The following MPPED1 variants were observed in gnomAD, a reference collection of about 807,000 sequenced individuals.
MPPED1 encodes metallophosphoesterase domain-containing protein 1.
Under a neutral mutation model 36.2 loss-of-function variants are expected in MPPED1, and 16 were observed. That is an observed-to-expected ratio of 0.44 (90% CI 0.30 to 0.67). The LOEUF (loss-of-function observed/expected upper bound fraction) is 0.67. Ranked by LOEUF, MPPED1 falls within the 30% of genes least tolerant of loss-of-function variation. The probability of loss-of-function intolerance (pLI) is 0.10; values close to 1 mark genes in which losing one functional copy is unlikely to be tolerated. For synonymous variants in MPPED1, 199 were observed against 191.3 expected, an observed-to-expected ratio of 1.04 and a Z score of -0.33; for missense variants, 307 against 453.4, an observed-to-expected ratio of 0.68 and a Z score of 2.93.
Position 43,440,740 on chromosome 22 carries a change from C to G in MPPED1, c.406+5525C>G, listed in dbSNP as rs547548011. ...ACAGCCCTCACTTCACCCCTAGCCC[C>G]CACAGCCTGAGGACCCTGCGCCACC... On this transcript the variant is annotated intron_variant, in intron 3 of 6. Coordinates refer to ENST00000443721, the MANE Select transcript of MPPED1 (RefSeq NM_001044370.2). Among the ~76,000 whole-genome samples the G allele has an allele frequency of 2.0e-4, 31 of 152,222 alleles. No homozygotes were observed. In the South Asian group the frequency reaches 2.9e-3, roughly 14 times the overall value.
At chr22:43,489,139 T>C (rs1932006798) in intron 4 of MPPED1, among the ~76,000 whole-genome samples, 1 of 152,154 alleles carries the variant, frequency 6.6e-6, no homozygotes, top group Non-Finnish European at 1.5e-5. Context: ...TGATCCCACC[T>C]GCCAGGTCTG....
At chr22:43,494,157 T>C (rs894749179) in intron 4 of MPPED1, among the ~76,000 whole-genome samples, 7 of 152,128 alleles carry the variant, frequency 4.6e-5, no homozygotes, top group African/African-American at 1.7e-4. Flanking sequence ...CACCCCATCC[T>C]CTTGAGTAGC....
chr22:43,438,664 T>C (rs1032730083), intron 3 of MPPED1, among the ~76,000 whole-genome samples: 1 of 148,046 alleles, frequency 6.8e-6, no homozygotes, highest in Non-Finnish European at 1.5e-5. Flanking sequence ...TTTAGGATTG[T>C]CTCTCTCTCT....
intron 4 of MPPED1, among the ~76,000 whole-genome samples, chr22:43,489,641 C>T (rs1272663588): frequency 3.3e-5 from 5 of 152,182 alleles, no homozygotes; most frequent in African/African-American, 1.2e-4. Context: ...GCCTCAGCCT[C>T]CTGAGTAGCT....
intron 4 of MPPED1, among the ~76,000 whole-genome samples, chr22:43,494,023 G>T (rs1034217564): frequency 4.6e-5 from 7 of 151,960 alleles, no homozygotes; most frequent in African/African-American, 1.7e-4. Context: ...AACTCTTCCG[G>T]GCCACTCTTC....
intron 4 of MPPED1, among the ~76,000 whole-genome samples, chr22:43,493,829 C>T (rs890569591): frequency 2.6e-5 from 4 of 152,100 alleles, no homozygotes; most frequent in African/African-American, 4.8e-5. Flanking sequence ...GGGTGAAGGT[C>T]GTCCCAGGGC....
At chr22:43,496,120 G>A (rs1459226375) in intron 4 of MPPED1, among the ~76,000 whole-genome samples, 1 of 81,152 alleles carries the variant, frequency 1.2e-5, no homozygotes, top group Non-Finnish European at 2.4e-5. Context: ...TGGTGGTGGA[G>A]GTGGTGGTGG....
At chr22:43,485,828 A>G (rs1361800652) in intron 4 of MPPED1, among the ~76,000 whole-genome samples, 1 of 152,242 alleles carries the variant, frequency 6.6e-6, no homozygotes, top group Non-Finnish European at 1.5e-5. Flanking sequence ...CTTCGGTTCC[A>G]CTTATCTTGC....
At chr22:43,464,328 TGTG>T (rs1931086543) in intron 3 of MPPED1, among the ~76,000 whole-genome samples, 3 of 140,876 alleles carry the variant, frequency 2.1e-5, no homozygotes, top group African/African-American at 8.3e-5. Context: ...TGTGTGTGTG[TGTG>T]TGTGGTGGGC....
At chr22:43,424,429 C>T (rs1270535825) in intron 1 of MPPED1, among the ~76,000 whole-genome samples, 14 of 151,846 alleles carry the variant, frequency 9.2e-5, no homozygotes, top group African/African-American at 2.2e-4. Context: ...GGGGTGTGGG[C>T]GTGGGGCCAT....
At chr22:43,450,851 C>T (rs552220874) in intron 3 of MPPED1, among the ~76,000 whole-genome samples, 14 of 151,392 alleles carry the variant, frequency 9.2e-5, no homozygotes, top group African/African-American at 1.7e-4. Context: ...CTCAGCCTCC[C>T]GAGTAGCTGG....
intron 1 of MPPED1, chr22:43,419,305 G>C (rs1310508965): frequency 6.6e-6 from 1 of 152,272 alleles, no homozygotes; most frequent in African/African-American, 2.4e-5. Context: ...CTTGGGGGCT[G>C]TGGGTGGAGG....
intron 1 of MPPED1, chr22:43,417,655 A>G (rs566944471): frequency 6.2e-6 from 1 of 160,674 alleles, no homozygotes; most frequent in African/African-American, 2.4e-5. Flanking sequence ...TTTTGCTTGC[A>G]GGGACCACTT....
intron 3 of MPPED1, among the ~76,000 whole-genome samples, chr22:43,446,578 G>A (rs1186857030): frequency 6.6e-6 from 1 of 152,194 alleles, no homozygotes; most frequent in African/African-American, 2.4e-5. Flanking sequence ...ACCCCACGGA[G>A]AGTCTGAGCA....
chr22:43,498,060 G>A (rs928527126), intron 4 of MPPED1, among the ~76,000 whole-genome samples, 175 bp from the exon 5 acceptor site: 1 of 151,346 alleles, frequency 6.6e-6, no homozygotes, highest in Admixed American at 6.6e-5. Context: ...CCCACAGACC[G>A]CCAGTGGGTC....
intron 1 of MPPED1, among the ~76,000 whole-genome samples, chr22:43,423,736 G>A (rs548505608): frequency 3.2e-4 from 49 of 152,276 alleles, no homozygotes; most frequent in African/African-American, 1.2e-3. Context: ...AAGCAAAGGG[G>A]ATTTTTCTTC....
At chr22:43,475,739 G>GATGGTGATGATGATGGTT (rs1931547065) in intron 4 of MPPED1, among the ~76,000 whole-genome samples, 1 of 55,704 alleles carries the variant, frequency 1.8e-5, no homozygotes, top group Non-Finnish European at 4.2e-5. Flanking sequence ...TGATGGTTGT[G>GATGGTGATGATGATGGTT]GTGGTGGTGG....
At chr22:43,472,243 T>A (rs745913695) in intron 3 of MPPED1, among the ~76,000 whole-genome samples, 2 of 152,158 alleles carry the variant, frequency 1.3e-5, no homozygotes, top group African/African-American at 2.4e-5. Context: ...ATTCAAGTTT[T>A]AAAAAAAAGT....
intron 3 of MPPED1, among the ~76,000 whole-genome samples, chr22:43,435,901 G>A (rs1929941580): frequency 6.6e-6 from 1 of 152,154 alleles, no homozygotes; most frequent in Non-Finnish European, 1.5e-5. Flanking sequence ...GGCTGAGTGG[G>A]TGAATGCATG....
Sources: allele counts gnomAD v4.1 joint callset (sites outside exome capture counted in the v4.1 genomes callset), GRCh38; gene constraint gnomAD v4.1.1; transcripts MANE v1.5; gene names NCBI Gene and HGNC (gene_info 2026-07-23, HGNC 2026-07-21).